NXPH2: variants seen among roughly 807,000 people sequenced by gnomAD.
The protein encoded by NXPH2 is neurexophilin 2.
NXPH2 carries 5 observed loss-of-function variants against 19.8 expected under a neutral mutation model. That is an observed-to-expected ratio of 0.25 (90% CI 0.13 to 0.53). The LOEUF (loss-of-function observed/expected upper bound fraction) is 0.53. Among genes scored for constraint, NXPH2 ranks in the 20% least tolerant of loss-of-function variants. NXPH2 has a pLI of 0.96. For synonymous variants in NXPH2, 154 were observed against 127.4 expected, an observed-to-expected ratio of 1.21 and a Z score of -1.41; for missense variants, 289 against 322.8, an observed-to-expected ratio of 0.90 and a Z score of 0.80.
At position 138,669,520 on chromosome 2, in the gene NXPH2, A is replaced by G. The variant is rs909574729; in HGVS notation, c.*1402T>C. 1.3e-5 allele frequency among the ~76,000 whole-genome samples: 2 copies of G among 152,200 alleles called. No individual in the cohort carries two copies. Among genetic ancestry groups the G allele is most frequent in the African/African-American group, 2.4e-5 (1 of 41,460 alleles). The stretch of plus-strand genomic sequence containing the variant: ...CTCTTGGTTTTTTGAACAGTGTGGT[A>G]AGAGTATTTCTTGTTGTTTAGGACT... On this transcript the variant is annotated 3_prime_UTR_variant, in exon 2 of 2. Coordinates refer to ENST00000272641, the MANE Select transcript of NXPH2 (RefSeq NM_007226.3).
intron 1 of NXPH2, among the ~76,000 whole-genome samples, chr2:138,722,940 G>C (rs1275336843): frequency 6.6e-6 from 1 of 152,182 alleles, no homozygotes; most frequent in Non-Finnish European, 1.5e-5. Context: ...AGTGGCACTG[G>C]GTGATTTTTC....
At chr2:138,769,878 T>C (rs903930259) in intron 1 of NXPH2, among the ~76,000 whole-genome samples, 3 of 152,158 alleles carry the variant, frequency 2.0e-5, no homozygotes, top group Non-Finnish European at 2.9e-5. Flanking sequence ...CTAGCTACCA[T>C]TCTTACAAAA....
chr2:138,698,731 G>A (rs999654594), intron 1 of NXPH2, among the ~76,000 whole-genome samples: 2 of 152,172 alleles, frequency 1.3e-5, no homozygotes, highest in African/African-American at 4.8e-5. Flanking sequence ...GTGCGTGCCT[G>A]TGGTTCCAGC....
At chr2:138,707,690 T>C (rs955566684) in intron 1 of NXPH2, among the ~76,000 whole-genome samples, 2 of 152,228 alleles carry the variant, frequency 1.3e-5, no homozygotes, top group Non-Finnish European at 2.9e-5. Context: ...TAGTTTATTT[T>C]CAACTAAAAC....
intron 1 of NXPH2, among the ~76,000 whole-genome samples, chr2:138,764,242 C>A (rs1682059384): frequency 6.6e-6 from 1 of 152,124 alleles, no homozygotes; most frequent in Non-Finnish European, 1.5e-5. Flanking sequence ...TTATATTCCA[C>A]CCTCCAAAAG....
At chr2:138,702,801 AT>A (rs1251391924) in intron 1 of NXPH2, among the ~76,000 whole-genome samples, 1 of 152,168 alleles carries the variant, frequency 6.6e-6, no homozygotes, top group East Asian at 1.9e-4. Flanking sequence ...AAAGTGAAAG[AT>A]TTTTAAATCT....
intron 1 of NXPH2, among the ~76,000 whole-genome samples, chr2:138,682,659 C>A (rs1448135574): frequency 1.3e-5 from 2 of 152,112 alleles, no homozygotes; most frequent in Admixed American, 1.3e-4. Context: ...AATAGCTACC[C>A]TTTACGTTAT....
At chr2:138,728,439 A>G (rs900347994) in intron 1 of NXPH2, among the ~76,000 whole-genome samples, 1 of 152,238 alleles carries the variant, frequency 6.6e-6, no homozygotes, top group Non-Finnish European at 1.5e-5. Context: ...TCCATCTTCC[A>G]TGTATAACAA....
intron 1 of NXPH2, among the ~76,000 whole-genome samples, chr2:138,729,433 A>C (rs1681411070): frequency 6.6e-6 from 1 of 152,128 alleles, no homozygotes; most frequent in South Asian, 2.1e-4. Flanking sequence ...CTCCAGCCTT[A>C]TGAAACTGTG....
At chr2:138,714,636 A>T (rs1681161870) in intron 1 of NXPH2, among the ~76,000 whole-genome samples, 1 of 152,286 alleles carries the variant, frequency 6.6e-6, no homozygotes, top group Non-Finnish European at 1.5e-5. Flanking sequence ...TGATAAAAAA[A>T]AATCCAAGAA....
At chr2:138,672,119 T>A (rs1350317870) in intron 1 of NXPH2, among the ~76,000 whole-genome samples, 1 of 152,178 alleles carries the variant, frequency 6.6e-6, no homozygotes, top group African/African-American at 2.4e-5. Flanking sequence ...TTTGGAAATA[T>A]TAAGGGGATT....
At chr2:138,735,690 C>T (rs1251637471) in intron 1 of NXPH2, among the ~76,000 whole-genome samples, 1 of 152,152 alleles carries the variant, frequency 6.6e-6, no homozygotes, top group Non-Finnish European at 1.5e-5. Flanking sequence ...AAAAGTCCCC[C>T]AAAGTCTTAA....
At chr2:138,759,752 C>T (rs1243884571) in intron 1 of NXPH2, among the ~76,000 whole-genome samples, 8 of 128,286 alleles carry the variant, frequency 6.2e-5, no homozygotes, top group Admixed American at 1.8e-4. Flanking sequence ...TTTTTTGAGA[C>T]GGAGTCTTGC....
intron 1 of NXPH2, among the ~76,000 whole-genome samples, chr2:138,727,973 A>G (rs1329878365): frequency 6.6e-6 from 1 of 152,112 alleles, no homozygotes; most frequent in Admixed American, 6.5e-5. Flanking sequence ...TGGCTCCAGT[A>G]TTTCCTAGGT....
chr2:138,772,147 G>C (rs1682188899), intron 1 of NXPH2, among the ~76,000 whole-genome samples: 1 of 152,074 alleles, frequency 6.6e-6, no homozygotes, highest in South Asian at 2.1e-4. Context: ...TTTCCATCTG[G>C]AGTGGTATAG....
intron 1 of NXPH2, among the ~76,000 whole-genome samples, chr2:138,739,947 G>C (rs1681616912): frequency 6.6e-6 from 1 of 152,140 alleles, no homozygotes; most frequent in Admixed American, 6.5e-5. Flanking sequence ...TGGAAATTTG[G>C]ATATATAGAC....
At chr2:138,723,921 C>T (rs537535324) in intron 1 of NXPH2, among the ~76,000 whole-genome samples, 37 of 126,678 alleles carry the variant, frequency 2.9e-4, no homozygotes, top group Admixed American at 6.6e-4. Flanking sequence ...CTAAACCATT[C>T]GGGTCATAAT....
At chr2:138,745,506 G>T (rs1445242760) in intron 1 of NXPH2, among the ~76,000 whole-genome samples, 11 of 91,402 alleles carry the variant, frequency 1.2e-4, no homozygotes, top group Non-Finnish European at 2.3e-4. Context: ...GGGGGGGGGG[G>T]TGTTGTTTGC....
intron 1 of NXPH2, among the ~76,000 whole-genome samples, chr2:138,696,628 A>G (rs2104979344): frequency 6.6e-6 from 1 of 152,288 alleles, no homozygotes; most frequent in East Asian, 1.9e-4. Context: ...AGATTAACTA[A>G]AATTCCTGTA....
Sources: gnomAD v4.1 joint callset for allele counts (sites outside exome capture counted in the v4.1 genomes callset) on GRCh38, gnomAD v4.1.1 for gene constraint, MANE v1.5 for transcripts, NCBI Gene and HGNC (gene_info 2026-07-23, HGNC 2026-07-21) for gene names.